Variants in CLSTN2 observed in about 807,000 individuals in gnomAD.
CLSTN2 encodes calsyntenin 2, also known as calsyntenin-2.
Under a neutral mutation model 101.2 loss-of-function variants are expected in CLSTN2, and 48 were observed. That is an observed-to-expected ratio of 0.47 (90% CI 0.38 to 0.60). CLSTN2 has a LOEUF of 0.60. Among genes scored for constraint, CLSTN2 ranks in the 20% least tolerant of loss-of-function variants. CLSTN2 has a pLI of 0.00. For missense variants in CLSTN2, 1,160 were observed against 1,238.2 expected (o/e 0.94, Z 0.95); for synonymous variants, 481 against 463.6 (o/e 1.04, Z -0.48).
Position 140,023,764 on chromosome 3 carries a change from T to A in CLSTN2, c.109+88281T>A, listed in dbSNP as rs59042305. Among the ~76,000 whole-genome samples the A allele has an allele frequency of 5.3e-5, 8 of 152,134 alleles. No individual in the cohort carries two copies. In the East Asian group the frequency reaches 1.5e-3, roughly 29 times the overall value. ...TTACCAAGAGGCTCTCCCTAGACAT[T>A]GTGCCTCGCATTTTCACCTCCCCGC... On this transcript the variant is annotated intron_variant, in intron 1 of 16. Transcript: ENST00000458420.
intron 1 of CLSTN2, among the ~76,000 whole-genome samples, chr3:139,988,150 C>T (rs1031717621): frequency 9.2e-5 from 14 of 152,188 alleles, no homozygotes; most frequent in African/African-American, 1.4e-4. Context: ...GCTGGTGCAG[C>T]GCTTGTCCTT....
intron 2 of CLSTN2, among the ~76,000 whole-genome samples, chr3:140,272,063 A>G (rs991202762): frequency 3.9e-5 from 6 of 152,196 alleles, no homozygotes; most frequent in Non-Finnish European, 5.9e-5. Flanking sequence ...ACTTTCTGCC[A>G]TTCTGGAATT....
In CLSTN2 at chr3:140,334,965, C is replaced by T. The variant is rs150373195; in HGVS notation, c.233-68664C>T. Among the ~76,000 whole-genome samples, 166 of 152,290 alleles carry T rather than the reference C, an allele frequency of 1.1e-3. 2 individuals carry two copies. Among genetic ancestry groups the T allele is most frequent in the East Asian group, 7.7e-3 (40 of 5,180 alleles). ...CCCTCTTGGACAGGCAAACACAGAGCCTTGTCTCCAGGGGAGCTGGCTGAG... is the reference window on the plus strand; with the variant it reads ...CCCTCTTGGACAGGCAAACACAGAGTCTTGTCTCCAGGGGAGCTGGCTGAG... On this transcript the variant is annotated intron_variant, in intron 2 of 16. Transcript: ENST00000458420.
intron 2 of CLSTN2, among the ~76,000 whole-genome samples, chr3:140,332,141 T>G (rs1330183707): frequency 1.3e-5 from 2 of 152,120 alleles, no homozygotes; most frequent in Admixed American, 6.5e-5. Context: ...AGTGTCAACC[T>G]TGTGGAGGCA....
Position 140,147,584 on chromosome 3 carries a change from A to G in CLSTN2, c.110-28367A>G, listed in dbSNP as rs1487230772. 3.9e-5 allele frequency among the ~76,000 whole-genome samples: 6 copies of G among 152,214 alleles called. No individual in the cohort carries two copies. In the East Asian group the frequency reaches 1.2e-3, roughly 29 times the overall value. ...GTGGTTTTGAGGGCAGCTGAAAAAA[A>G]ATGATTTTCATTGAACAATGAATAT... On this transcript the variant is annotated intron_variant, in intron 1 of 16. Coordinates refer to ENST00000458420, the MANE Select transcript of CLSTN2 (RefSeq NM_022131.3).
chr3:140,431,433 T>C (rs1268581881), intron 5 of CLSTN2, among the ~76,000 whole-genome samples: 1 of 152,136 alleles, frequency 6.6e-6, no homozygotes, highest in Non-Finnish European at 1.5e-5. Context: ...TTAAAGAGAA[T>C]TCAGCATGAA....
At chr3:140,174,429 C>G (rs1489536823) in intron 1 of CLSTN2, among the ~76,000 whole-genome samples, 1 of 152,180 alleles carries the variant, frequency 6.6e-6, no homozygotes, top group African/African-American at 2.4e-5. Context: ...CTTCTGAGCC[C>G]TCCAAACTGT....
chr3:140,393,086 A>G lies in CLSTN2; in HGVS notation c.233-10543A>G, dbSNP rs1378182194. Among the ~76,000 whole-genome samples the G allele has an allele frequency of 2.6e-5, 4 of 152,136 alleles. No homozygotes were observed. The East Asian group carries it at 7.7e-4, about 29-fold the overall frequency. ...TGAATTAGCAGAGCCCTCCCGACCC[A>G]ATCACCTCTTAAAGGCCTCACCTCT... On this transcript the variant is annotated intron_variant, in intron 2 of 16. Coordinates refer to ENST00000458420, the MANE Select transcript of CLSTN2 (RefSeq NM_022131.3).
chr3:139,955,481 G>C (rs1376134203), intron 1 of CLSTN2, among the ~76,000 whole-genome samples: 1 of 151,834 alleles, frequency 6.6e-6, no homozygotes. Flanking sequence ...TATGCTCACA[G>C]GTCCTGTGGC....
intron 5 of CLSTN2, among the ~76,000 whole-genome samples, chr3:140,440,239 C>CA (rs1216340012): frequency 6.6e-6 from 1 of 152,206 alleles, no homozygotes; most frequent in African/African-American, 2.4e-5. Flanking sequence ...GCAGCAGTCA[C>CA]AGCCCTGAGG....
At chr3:140,362,449 T>G (rs1486758379) in intron 2 of CLSTN2, among the ~76,000 whole-genome samples, 1 of 152,094 alleles carries the variant, frequency 6.6e-6, no homozygotes, top group Non-Finnish European at 1.5e-5. Context: ...ATAAAAACAT[T>G]TATATAATGG....
At chr3:140,302,173 T>C (rs764182952) in intron 2 of CLSTN2, among the ~76,000 whole-genome samples, 2 of 152,220 alleles carry the variant, frequency 1.3e-5, no homozygotes, top group Non-Finnish European at 2.9e-5. Context: ...TTGCTAGTTT[T>C]TGTTTCTTGT....
chr3:140,257,562 GTGT>G (rs577610526), intron 2 of CLSTN2, among the ~76,000 whole-genome samples: 9,410 of 61,788 alleles, frequency 0.15, 563 homozygotes, highest in South Asian at 0.21. Flanking sequence ...CTTTCTAGGG[GTGT>G]GTGTGTGTGT....
intron 8 of CLSTN2, among the ~76,000 whole-genome samples, chr3:140,509,336 T>C (rs1366999702): frequency 6.6e-6 from 1 of 152,156 alleles, no homozygotes; most frequent in Non-Finnish European, 1.5e-5. Flanking sequence ...CTGGAGGGCT[T>C]ATTGAAACAC....
intron 9 of CLSTN2, among the ~76,000 whole-genome samples, chr3:140,536,748 GT>G (rs1446731888): frequency 6.6e-6 from 1 of 152,188 alleles, no homozygotes; most frequent in African/African-American, 2.4e-5. Context: ...ATGTCTAACA[GT>G]TCACTAGGAA....
chr3:140,135,773 G>A (rs2009607235), intron 1 of CLSTN2, among the ~76,000 whole-genome samples: 3 of 152,024 alleles, frequency 2.0e-5, no homozygotes, highest in African/African-American at 7.2e-5. Context: ...TTTTTTGCAG[G>A]GTACCTTTGT....
intron 2 of CLSTN2, among the ~76,000 whole-genome samples, chr3:140,203,854 G>C (rs1432203432): frequency 1.3e-5 from 2 of 152,158 alleles, no homozygotes; most frequent in African/African-American, 4.8e-5. Flanking sequence ...CCTGGAGCAT[G>C]GTAAGAAAAT....
chr3:139,947,037 G>A (rs955402871), intron 1 of CLSTN2, among the ~76,000 whole-genome samples: 5 of 152,340 alleles, frequency 3.3e-5, no homozygotes, highest in East Asian at 1.9e-4. Context: ...AAATGCACAA[G>A]CACTCTCCTA....
chr3:140,205,988 A>C (rs888450019), intron 2 of CLSTN2, among the ~76,000 whole-genome samples: 1 of 152,194 alleles, frequency 6.6e-6, no homozygotes, highest in African/African-American at 2.4e-5. Flanking sequence ...GGAGCTCTCT[A>C]CACTAGAAAG....
Sources: gnomAD v4.1 joint callset for allele counts (sites outside exome capture counted in the v4.1 genomes callset) on GRCh38, gnomAD v4.1.1 for gene constraint, MANE v1.5 for transcripts, NCBI Gene and HGNC (gene_info 2026-07-23, HGNC 2026-07-21) for gene names.